Variants in TRPC4AP observed in about 807,000 individuals in gnomAD.
The protein encoded by TRPC4AP is transient receptor potential cation channel subfamily C member 4 associated protein.
TRPC4AP carries 45 observed loss-of-function variants against 99.0 expected under a neutral mutation model. That is an observed-to-expected ratio of 0.45 (90% confidence interval 0.36 to 0.58). TRPC4AP has a LOEUF of 0.58. Ranked by LOEUF, TRPC4AP falls within the 20% of genes least tolerant of loss-of-function variation. The pLI, the probability that TRPC4AP is intolerant of heterozygous loss-of-function variation, is 0.00. For missense variants in TRPC4AP, 879 were observed against 985.3 expected (o/e 0.89, Z 1.44); for synonymous variants, 408 against 385.8 (o/e 1.06, Z -0.67).
intron 9 of TRPC4AP, among the ~76,000 whole-genome samples, chr20:35,016,777 T>C (rs1035182522): frequency 6.6e-6 from 1 of 152,222 alleles, no homozygotes; most frequent in African/African-American, 2.4e-5. Flanking sequence ...AAGCCAAATA[T>C]GACAAACAGA....
chr20:35,028,530 A>G (rs573824034), intron 8 of TRPC4AP, among the ~76,000 whole-genome samples: 87 of 152,292 alleles, frequency 5.7e-4, no homozygotes, highest in Non-Finnish European at 1.2e-3. Flanking sequence ...GGATTTGAGG[A>G]CATACTTTTG....
intron 12 of TRPC4AP, among the ~76,000 whole-genome samples, chr20:35,009,769 C>T (rs2082591747): frequency 6.6e-6 from 1 of 152,244 alleles, no homozygotes; most frequent in South Asian, 2.1e-4. Context: ...TGAGGCAAAC[C>T]TAACCCAGGT....
At chr20:35,033,513 C>G (rs991400500) in intron 8 of TRPC4AP, among the ~76,000 whole-genome samples, 1 of 152,166 alleles carries the variant, frequency 6.6e-6, no homozygotes, top group African/African-American at 2.4e-5. Context: ...TGACTGAATT[C>G]TCGACTGTTT....
chr20:35,005,415 G>A (rs1006196874), intron 16 of TRPC4AP, among the ~76,000 whole-genome samples: 2 of 152,256 alleles, frequency 1.3e-5, no homozygotes, highest in Non-Finnish European at 2.9e-5. Context: ...CACTGAGGAC[G>A]AGGGGGCCAA....
rs747163543 is a variant in TRPC4AP at position 35,004,486 on chromosome 20, T to G, written c.2021A>C (p.Asn674Thr). 6.2e-7 allele frequency: 1 copy of G among 1,613,904 alleles called. No individual in the cohort carries two copies. The highest frequency in any genetic ancestry group is 1.3e-5 in the African/African-American group (1 of 74,928). The change falls in exon 17 of 19, where the codon AAC becomes ACC. Residue 674 changes from asparagine to threonine, a missense_variant. Transcript: ENST00000252015. ...GGTCAGCGTCTGCACGTGGATGATG[T>G]TGATGAGGCGGAAGAGGAAGGACAT... is the stretch of plus-strand genomic sequence containing the variant. ...TQMSFLFRLI[N>T]IIHVQTLTQE...
rs372861865 is a variant in TRPC4AP, at chr20:35,086,545, G to A, written c.168+6069C>T. 1.0e-3 allele frequency among the ~76,000 whole-genome samples: 60 copies of A among 59,914 alleles called. 3 individuals are homozygous for A. The highest frequency in any genetic ancestry group is 3.9e-3 in the South Asian group (6 of 1,542). The allele number at this position is 59,914 out of a possible 152,430, so 39.3% of individuals were successfully genotyped here. The stretch of plus-strand genomic sequence containing the variant: ...TATATATGTGTGTGTGTGTGTGTGT[G>A]TGTGTGTGTGTGTGTGTGTGTGTGT... On this transcript the variant is annotated intron_variant, in intron 1 of 18. Coordinates refer to ENST00000252015, the MANE Select transcript of TRPC4AP (RefSeq NM_015638.3).
chr20:35,061,151 C>T (rs2083996580), intron 3 of TRPC4AP, among the ~76,000 whole-genome samples: 1 of 151,950 alleles, frequency 6.6e-6, no homozygotes, highest in Non-Finnish European at 1.5e-5. Context: ...CAAGATTTCA[C>T]GATATGTGAT....
rs777644836 is a variant in TRPC4AP at position 35,021,211 on chromosome 20, C to G, written c.1197G>C (p.Leu399=). 1 of 1,613,432 alleles carries G rather than the reference C, an allele frequency of 6.2e-7. No individual in the cohort carries two copies. Among genetic ancestry groups the G allele is most frequent in the South Asian group, 1.1e-5 (1 of 91,076 alleles). ...LEVLYVLCVL[L]MGRQRNQVHR... is the part of the protein sequence containing the mutation. ...CCACCTGGTTTCGCTGACGCCCCAT[C>G]AGCAGCACGCAGAGGACATAGAGCA... Residue 399 remains leucine, a synonymous_variant, in exon 9 of 19, where the codon CTG becomes CTC. Transcript: ENST00000252015.
intron 10 of TRPC4AP, among the ~76,000 whole-genome samples, chr20:35,015,293 C>T (rs975410115): frequency 1.3e-5 from 2 of 151,930 alleles, no homozygotes; most frequent in South Asian, 2.1e-4. Context: ...GACCACCACG[C>T]CCGGGAGCAC....
intron 3 of TRPC4AP, among the ~76,000 whole-genome samples, chr20:35,059,763 A>C (rs769464886): frequency 2.3e-4 from 33 of 142,838 alleles, no homozygotes; most frequent in South Asian, 6.9e-4. Flanking sequence ...AAGACGAAGA[A>C]GACGACGAAG....
At chr20:35,014,144 C>G (rs1458556657) in intron 10 of TRPC4AP, among the ~76,000 whole-genome samples, 2 of 152,066 alleles carry the variant, frequency 1.3e-5, no homozygotes. Flanking sequence ...AGCCACCATG[C>G]CCGGGAGCAC....
chr20:35,064,082 A>G (rs2084077397), intron 3 of TRPC4AP, among the ~76,000 whole-genome samples: 1 of 152,254 alleles, frequency 6.6e-6, no homozygotes, highest in Non-Finnish European at 1.5e-5. Flanking sequence ...GTTTTCCAAA[A>G]AAGTCCAATT....
chr20:35,006,856 G>A (rs1217744038), intron 14 of TRPC4AP, among the ~76,000 whole-genome samples: 1 of 152,200 alleles, frequency 6.6e-6, no homozygotes, highest in Non-Finnish European at 1.5e-5. Context: ...CAAGATGGCC[G>A]GGGTGCTCAG....
chr20:35,092,623 C>A lies in TRPC4AP; in HGVS notation c.159G>T (p.Arg53=), dbSNP rs755883820. 1 of 1,512,786 alleles carries A rather than the reference C, an allele frequency of 6.6e-7. No homozygotes were observed. The highest frequency in any genetic ancestry group is 2.0e-5 in the Admixed American group (1 of 49,384). The allele number at this position is 1,512,786 out of a possible 1,614,324, so 93.7% of individuals were successfully genotyped here. ...TGGTCCAGCCTCGTACCTGCACCGC[C>A]CGGACCAGGCCCCGGCCGGTCAGCT... ...QGQLTGRGLV[R]AVQFTETFLT... The change falls in exon 1 of 19, where the codon CGG becomes CGT. Residue 53 remains arginine, a synonymous_variant. Transcript: ENST00000252015.
chr20:35,084,483 T>C (rs1215469733), intron 1 of TRPC4AP, among the ~76,000 whole-genome samples: 2 of 119,162 alleles, frequency 1.7e-5, no homozygotes, highest in Non-Finnish European at 3.7e-5. Context: ...TATATGTGTA[T>C]ATATGTATAT....
chr20:35,083,064 G>A (rs1179696780), intron 1 of TRPC4AP, among the ~76,000 whole-genome samples: 1 of 152,064 alleles, frequency 6.6e-6, no homozygotes, highest in African/African-American at 2.4e-5. Context: ...TAAGATAAAA[G>A]ATTCATTTGC....
intron 6 of TRPC4AP, among the ~76,000 whole-genome samples, chr20:35,045,030 C>T (rs1013502530): frequency 2.0e-5 from 3 of 152,138 alleles, no homozygotes; most frequent in African/African-American, 4.8e-5. Flanking sequence ...ATGCCTACCA[C>T]TCAAGTTTTG....
intron 12 of TRPC4AP, among the ~76,000 whole-genome samples, chr20:35,009,440 G>A (rs927645187): frequency 1.3e-5 from 2 of 151,990 alleles, no homozygotes; most frequent in African/African-American, 4.8e-5. Flanking sequence ...CCAGGAGTTC[G>A]AGACCAGCCT....
intron 7 of TRPC4AP, among the ~76,000 whole-genome samples, chr20:35,036,686 C>T (rs2083325941): frequency 6.6e-6 from 1 of 152,014 alleles, no homozygotes; most frequent in Admixed American, 6.5e-5. Flanking sequence ...GTGGCTCATG[C>T]CTGTAATCCT....
Sources: allele counts gnomAD v4.1 joint callset (sites outside exome capture counted in the v4.1 genomes callset), GRCh38; gene constraint gnomAD v4.1.1; transcripts MANE v1.5; gene names NCBI Gene and HGNC (gene_info 2026-07-23, HGNC 2026-07-21).